SAFB2: variants seen among roughly 807,000 people sequenced by gnomAD.
The protein encoded by SAFB2 is scaffold attachment factor B2.
A neutral mutation model predicts 100.6 loss-of-function variants in SAFB2; 32 were observed. The observed-to-expected ratio is 0.32, with a 90% confidence interval of 0.24 to 0.43. SAFB2 has a LOEUF of 0.43. SAFB2 is among the 20% of genes least tolerant of loss of function. The probability of loss-of-function intolerance (pLI) is 1.00; values close to 1 mark genes in which losing one functional copy is unlikely to be tolerated. For missense variants in SAFB2, 1,185 were observed against 1,163.4 expected, an observed-to-expected ratio of 1.02 and a Z score of -0.27; for synonymous variants, 500 against 439.4, an observed-to-expected ratio of 1.14 and a Z score of -1.72.
chr19:5,588,333 G>A (rs922614638), intron 18 of SAFB2, among the ~76,000 whole-genome samples: 3 of 152,168 alleles, frequency 2.0e-5, no homozygotes, highest in African/African-American at 4.8e-5. Flanking sequence ...TGGCCACTGT[G>A]GAAAAGTTTG....
intron 11 of SAFB2, among the ~76,000 whole-genome samples, chr19:5,602,618 A>G (rs1423349912): frequency 6.6e-6 from 1 of 151,804 alleles, no homozygotes; most frequent in Non-Finnish European, 1.5e-5. Flanking sequence ...TCCCCTCTCT[A>G]GGCCTGTATC....
rs137976619 is a variant in SAFB2, at chr19:5,591,667, C to T, written c.2394+81G>A. 1.6e-3 allele frequency: 2,298 copies of T among 1,429,522 alleles called. 1 individual carries two copies. Among genetic ancestry groups the T allele is most frequent in the Non-Finnish European group, 1.8e-3 (1,887 of 1,022,294 alleles). The allele number at this position is 1,429,522 out of a possible 1,614,324, so 88.6% of individuals were successfully genotyped here. ...TGGTTGCCACCTCTCTGGGATCAAG[C>T]GGCCGCCTGGCTAGAAATGGTCCGC... On this transcript the variant is annotated intron_variant, in intron 17 of 20. Transcript: ENST00000252542.
chr19:5,590,052 G>A (rs1411131220), intron 18 of SAFB2, among the ~76,000 whole-genome samples: 1 of 152,168 alleles, frequency 6.6e-6, no homozygotes, highest in Non-Finnish European at 1.5e-5. Flanking sequence ...ATGGGGATGG[G>A]CCATTCTGGG....
chr19:5,613,327 C>T (rs904969931), intron 5 of SAFB2, 138 bp downstream of exon 5: 2 of 749,126 alleles, frequency 2.7e-6, no homozygotes, highest in Non-Finnish European at 4.3e-6. Flanking sequence ...GAGACTGTTT[C>T]TCTTCTGCTA....
At chr19:5,588,099 A>G (rs149095505) in intron 18 of SAFB2, 119 bp from the exon 19 acceptor site, 13,542 of 843,868 alleles carry the variant, frequency 0.016, 159 homozygotes, top group Admixed American at 0.021. Flanking sequence ...CAAGGGCTGC[A>G]TGTCAAGTGG....
chr19:5,612,272 G>A (rs145530149), intron 6 of SAFB2: 38 of 515,028 alleles, frequency 7.4e-5, no homozygotes, highest in East Asian at 6.5e-4. Context: ...TCACGGGGAC[G>A]GGGGAATTAA....
At chr19:5,600,622 G>A (rs1215428222) in intron 11 of SAFB2, among the ~76,000 whole-genome samples, 1 of 152,150 alleles carries the variant, frequency 6.6e-6, no homozygotes, top group African/African-American at 2.4e-5. Context: ...TGTATGTGTG[G>A]AACATTGTTT....
intron 18 of SAFB2, among the ~76,000 whole-genome samples, chr19:5,589,290 A>C (rs1201800574): frequency 6.6e-6 from 1 of 152,148 alleles, no homozygotes; most frequent in African/African-American, 2.4e-5. Context: ...AGGAGAGAAC[A>C]CTTCACACCA....
Position 5,587,815 on chromosome 19 carries a change from C to T in SAFB2, c.2639-48G>A. 6.4e-7 allele frequency: 1 copy of T among 1,569,706 alleles called. No homozygotes were observed. Among genetic ancestry groups the T allele is most frequent in the Non-Finnish European group, 8.6e-7 (1 of 1,156,516 alleles). ...AAACACTCCGTTCCTGGGGAAGCCC[C>T]TGGACACATGTGGGGGCCACAGCCA... is the stretch of plus-strand genomic sequence containing the variant. On this transcript the variant is annotated intron_variant, in intron 19 of 20. Coordinates refer to ENST00000252542, the MANE Select transcript of SAFB2 (RefSeq NM_014649.3). This position sits in a 1 kb window ranked among gnomAD's most constrained non-coding sequence, Gnocchi z 4.9.
At chr19:5,620,045 A>G (rs954020076) in intron 2 of SAFB2, among the ~76,000 whole-genome samples, 1 of 152,222 alleles carries the variant, frequency 6.6e-6, no homozygotes, top group Non-Finnish European at 1.5e-5. Context: ...GAGATAAACT[A>G]TATTTCCTGC....
intron 13 of SAFB2, among the ~76,000 whole-genome samples, chr19:5,595,720 T>C (rs1363161321): frequency 6.6e-6 from 1 of 152,214 alleles, no homozygotes; most frequent in African/African-American, 2.4e-5. Context: ...GGGGCATTCA[T>C]GGAAGAGAAG....
intron 6 of SAFB2, 129 bp downstream of exon 6, chr19:5,612,411 T>TTGTA: frequency 2.4e-6 from 2 of 850,198 alleles, no homozygotes; most frequent in Non-Finnish European, 3.9e-6. Flanking sequence ...TCTCTGATCC[T>TTGTA]TGTATGATCT....
At chr19:5,619,783 T>A (rs1599285001) in intron 2 of SAFB2, among the ~76,000 whole-genome samples, 1 of 150,992 alleles carries the variant, frequency 6.6e-6, no homozygotes. Context: ...AGGCGGAGGT[T>A]GCAGTGAGCC....
intron 18 of SAFB2, among the ~76,000 whole-genome samples, chr19:5,589,682 G>C (rs537722198): frequency 6.6e-6 from 1 of 152,170 alleles, no homozygotes; most frequent in Non-Finnish European, 1.5e-5. Flanking sequence ...TCCCAGACAA[G>C]CCCTGCCCCC....
intron 15 of SAFB2, among the ~76,000 whole-genome samples, 193 bp from the exon 16 acceptor site, chr19:5,593,080 G>A (rs1467450587): frequency 3.9e-5 from 6 of 152,130 alleles, no homozygotes; most frequent in South Asian, 2.1e-4. Flanking sequence ...ATTAACAGCC[G>A]AGAGGCACAC....
At chr19:5,606,255 A>G (rs1427518996) in intron 9 of SAFB2, among the ~76,000 whole-genome samples, 4 of 152,224 alleles carry the variant, frequency 2.6e-5, no homozygotes, top group Non-Finnish European at 4.4e-5. Flanking sequence ...TGTCCCAGAA[A>G]AAAGCTCAAG....
At chr19:5,613,812 T>C (rs752751138) in intron 4 of SAFB2, 3 of 843,624 alleles carry the variant, frequency 3.6e-6, no homozygotes, top group Non-Finnish European at 1.4e-6. Flanking sequence ...GTACTGGTGA[T>C]TACCACATAC....
chr19:5,616,970 G>A (rs2053047522), intron 2 of SAFB2, among the ~76,000 whole-genome samples: 1 of 151,994 alleles, frequency 6.6e-6, no homozygotes, highest in South Asian at 2.1e-4. Flanking sequence ...TTCTAAGTAA[G>A]CCATCAACAG....
chr19:5,600,304 G>A lies in SAFB2; in HGVS notation c.1560-44C>T, dbSNP rs746421058. On this transcript the variant is annotated intron_variant, in intron 11 of 20. Coordinates refer to ENST00000252542, the MANE Select transcript of SAFB2 (RefSeq NM_014649.3). Reference sequence around the variant, plus strand: ...ATCAAATTTGAGTTCACAAGACTCTGTAACAGGAACGGCTCACCCAGAGCC... The same window carrying A: ...ATCAAATTTGAGTTCACAAGACTCTATAACAGGAACGGCTCACCCAGAGCC... The A allele has an allele frequency of 1.9e-6, 3 of 1,603,352 alleles. No individual in the cohort carries two copies. The Admixed American group carries it at 5.2e-5, about 28-fold the overall frequency.
Sources: allele counts gnomAD v4.1 joint callset (sites outside exome capture counted in the v4.1 genomes callset), GRCh38; gene constraint gnomAD v4.1.1; non-coding constraint Gnocchi (gnomAD v3.1); transcripts MANE v1.5; gene names NCBI Gene and HGNC (gene_info 2026-07-23, HGNC 2026-07-21).